The following GFM2 variants were observed in gnomAD, a reference collection of about 807,000 sequenced individuals.
GFM2 encodes ribosome-releasing factor 2, mitochondrial.
Under a neutral mutation model 95.4 loss-of-function variants are expected in GFM2, and 72 were observed. The observed-to-expected ratio is 0.76, with a 90% CI of 0.62 to 0.92. GFM2 has a LOEUF of 0.92. GFM2 is among the 40% of genes least tolerant of loss of function. The pLI, the probability that GFM2 is intolerant of heterozygous loss-of-function variation, is 0.00. For missense variants in GFM2, 825 were observed against 924.1 expected, an observed-to-expected ratio of 0.89 and a Z score of 1.39; for synonymous variants, 276 against 317.5, an observed-to-expected ratio of 0.87 and a Z score of 1.39.
rs1422845599 is a variant in GFM2 at position 74,760,981 on chromosome 5, T to C, written c.69A>G (p.Ile23Met). ...AACTTGCTCTTATTTTATAGCAGCA[T>C]ATATTCTAGTAAAGAGAAAAAGAAA... ...QTIPSVYINN[I>M]CCYKIRASLK... The change falls in exon 3 of 21, where the codon ATA becomes ATG. Residue 23 changes from isoleucine to methionine, a missense_variant. Physicochemically the swap from Ile to Met is conservative, Grantham distance 10. Transcript: ENST00000296805. 1 of 1,568,406 alleles carries C rather than the reference T, an allele frequency of 6.4e-7. No individual in the cohort carries two copies. Among genetic ancestry groups the C allele is most frequent in the South Asian group, 1.1e-5 (1 of 88,600 alleles).
In GFM2 at chr5:74,751,476, T is replaced by C; in HGVS notation, c.322A>G (p.Thr108Ala). The change falls in exon 6 of 21, where the codon ACA becomes GCA. Residue 108 changes from threonine (T) to alanine (A), a missense_variant. Thr to Ala is a moderately conservative substitution (Grantham distance 58). Coordinates refer to ENST00000296805, the MANE Select transcript of GFM2 (RefSeq NM_032380.5). Reference protein sequence around the residue: ...RSLGDVDDGDTVTDFMAQERE... With the variant: ...RSLGDVDDGDAVTDFMAQERE... ...TCTTGGGCCATGAAATCTGTCACTG[T>C]GTCTCCATCATCAACATCTAGCCAG... is the stretch of plus-strand genomic sequence containing the variant. 6.2e-7 allele frequency: 1 copy of C among 1,609,512 alleles called. No individual in the cohort carries two copies. Among genetic ancestry groups the C allele is most frequent in the South Asian group, 1.1e-5 (1 of 90,948 alleles).
At chr5:74,731,656 T>C (rs563033829) in intron 16 of GFM2, among the ~76,000 whole-genome samples, 4 of 152,202 alleles carry the variant, frequency 2.6e-5, no homozygotes, top group Non-Finnish European at 5.9e-5. Flanking sequence ...TGCTATACTT[T>C]AAGTTAAAAA....
intron 10 of GFM2, among the ~76,000 whole-genome samples, chr5:74,744,625 C>CCA (rs1743288611): frequency 6.6e-6 from 1 of 152,118 alleles, no homozygotes; most frequent in Non-Finnish European, 1.5e-5. Flanking sequence ...TATATACCAA[C>CCA]TATAAAATTG....
chr5:74,749,162 C>T (rs371648377), intron 7 of GFM2, among the ~76,000 whole-genome samples: 25 of 151,478 alleles, frequency 1.7e-4, no homozygotes, highest in African/African-American at 4.8e-4. Flanking sequence ...GACAAGTGCA[C>T]GCCACCACAC....
At chr5:74,731,859 A>G (rs1040729930) in intron 16 of GFM2, among the ~76,000 whole-genome samples, 13 of 151,918 alleles carry the variant, frequency 8.6e-5, no homozygotes, top group Admixed American at 2.6e-4. Context: ...AATGAGATGG[A>G]GGAACAGAGA....
intron 1 of GFM2, among the ~76,000 whole-genome samples, chr5:74,766,041 C>G (rs1736888185): frequency 6.6e-6 from 1 of 152,054 alleles, no homozygotes; most frequent in South Asian, 2.1e-4. Flanking sequence ...CGCTGTGGCT[C>G]AAGCCTGTAA....
intron 18 of GFM2, 39 bp from the exon 19 acceptor site, chr5:74,725,794 T>C: frequency 6.6e-7 from 1 of 1,509,706 alleles, no homozygotes; most frequent in Non-Finnish European, 9.2e-7. Context: ...CTCTGCTAGA[T>C]GTGAAGTGAG....
chr5:74,728,361 A>G (rs1335047011), intron 17 of GFM2, among the ~76,000 whole-genome samples: 1 of 152,210 alleles, frequency 6.6e-6, no homozygotes, highest in Non-Finnish European at 1.5e-5. Context: ...AAGAGAAAAT[A>G]TATTTACTAT....
In GFM2 at chr5:74,751,453, T is replaced by C. The variant is rs1442792413; in HGVS notation, c.345A>G (p.Gln115=). 2 of 1,610,618 alleles carry C rather than the reference T, an allele frequency of 1.2e-6. No individual in the cohort carries two copies. Among genetic ancestry groups the C allele is most frequent in the Non-Finnish European group, 1.7e-6 (2 of 1,176,834 alleles). Residue 115 remains glutamine, a synonymous_variant, in exon 6 of 21, where the codon CAA becomes CAG. Transcript: ENST00000296805. ...DGDTVTDFMA[Q]ERERGITIQS... is the part of the protein sequence containing the mutation. ...GAATAGTAATGCCTCTTTCTCGCTC[T>C]TGGGCCATGAAATCTGTCACTGTGT... is the stretch of plus-strand genomic sequence containing the variant.
chr5:74,726,465 T>TA (rs1169087046), intron 17 of GFM2, among the ~76,000 whole-genome samples: 1 of 151,466 alleles, frequency 6.6e-6, no homozygotes, highest in Non-Finnish European at 1.5e-5. Flanking sequence ...ACTTTTATAT[T>TA]AAAAAAATTA....
chr5:74,727,317 T>A (rs1486309230), intron 17 of GFM2, among the ~76,000 whole-genome samples: 1 of 152,190 alleles, frequency 6.6e-6, no homozygotes, highest in African/African-American at 2.4e-5. Flanking sequence ...CACTATCATA[T>A]GTTATCCTCA....
At chr5:74,740,305 T>C (rs1743050917) in intron 11 of GFM2, among the ~76,000 whole-genome samples, 168 bp from the exon 12 acceptor site, 1 of 152,192 alleles carries the variant, frequency 6.6e-6, no homozygotes, top group Non-Finnish European at 1.5e-5. Context: ...ATGTTAGATA[T>C]TTATTAGTTT....
At chr5:74,747,033 C>CA (rs1461381854) in intron 8 of GFM2, among the ~76,000 whole-genome samples, 1 of 152,214 alleles carries the variant, frequency 6.6e-6, no homozygotes, top group African/African-American at 2.4e-5. Flanking sequence ...CTCTCCCTAT[C>CA]ACATTTGTTC....
At chr5:74,737,663 C>G (rs1219641040) in intron 14 of GFM2, among the ~76,000 whole-genome samples, 2 of 152,114 alleles carry the variant, frequency 1.3e-5, no homozygotes, top group African/African-American at 4.8e-5. Context: ...GATCTTCAAA[C>G]TTGAAACTAG....
chr5:74,728,770 T>TTTTTGAGA (rs1554038333), intron 17 of GFM2, among the ~76,000 whole-genome samples: 5 of 113,788 alleles, frequency 4.4e-5, no homozygotes, highest in Non-Finnish European at 7.0e-5. Flanking sequence ...TTTTTTTTTT[T>TTTTTGAGA]TTTTGAGATG....
In GFM2 at chr5:74,738,493, T is replaced by G. The variant is rs201204413; in HGVS notation, c.1220+9A>C. 1.6e-4 allele frequency: 256 copies of G among 1,611,136 alleles called. 1 individual carries two copies. Among genetic ancestry groups the G allele is most frequent in the Admixed American group, 9.3e-4 (55 of 59,390 alleles). On this transcript the variant is annotated intron_variant, in intron 13 of 20. Coordinates refer to ENST00000296805, the MANE Select transcript of GFM2 (RefSeq NM_032380.5). ...ACAGTTTTATAAAATAATCTAAGCT[T>G]CTACTTACGTGCAGTTTCCATTAAT...
chr5:74,721,572 C>CAATA lies in GFM2; in HGVS notation c.*79_*82dup, dbSNP rs1434565457. 1.8e-5 allele frequency: 24 copies of CAATA among 1,369,100 alleles called. No individual in the cohort carries two copies. In the East Asian group the frequency reaches 4.6e-4, roughly 26 times the overall value. 84.8% of individuals were successfully genotyped at this position (1,369,100 alleles called of 1,614,324 possible). ...GTACTGAAACAGTACTTTATTCGTC[C>CAATA]AATAAATAAAGCAATAAAAATTGTT... On this transcript the variant is annotated 3_prime_UTR_variant, in exon 21 of 21. Coordinates refer to ENST00000296805, the MANE Select transcript of GFM2 (RefSeq NM_032380.5).
chr5:74,756,914 C>G (rs923671088), intron 5 of GFM2, among the ~76,000 whole-genome samples: 1 of 152,028 alleles, frequency 6.6e-6, no homozygotes, highest in Admixed American at 6.6e-5. Context: ...TTTGGGGACT[C>G]AGGAGAAAGG....
rs1743459854 is a variant in GFM2 at position 74,747,749 on chromosome 5, T to C, written c.551A>G (p.Asp184Gly). ...AQTLTVWRQADKHNIPRICFL... is the reference protein window; with the variant it reads ...AQTLTVWRQAGKHNIPRICFL... ...ACAGATTCGAGGTATATTGTGTTTA[T>C]CAGCTTGCCTCCATACTGTGAGAGT... Residue 184 changes from aspartate to glycine, a missense_variant, in exon 8 of 21, where the codon GAT (aspartate) becomes GGT (glycine). Transcript: ENST00000296805. 5 of 1,611,838 alleles carry C rather than the reference T, an allele frequency of 3.1e-6. No individual in the cohort carries two copies. The highest frequency in any genetic ancestry group is 1.7e-5 in the Admixed American group (1 of 59,924).
Sources: allele counts gnomAD v4.1 joint callset (sites outside exome capture counted in the v4.1 genomes callset), GRCh38; gene constraint gnomAD v4.1.1; transcripts MANE v1.5; gene names NCBI Gene and HGNC (gene_info 2026-07-23, HGNC 2026-07-21).